The following LINGO2 variants were observed in gnomAD, a reference collection of about 807,000 sequenced individuals.
LINGO2 encodes leucine-rich repeat and immunoglobulin-like domain-containing nogo receptor-interacting protein 2.
Under a neutral mutation model 30.6 loss-of-function variants are expected in LINGO2, and 14 were observed. The ratio of observed to expected loss-of-function variants is 0.46; its 90% CI spans 0.30 to 0.72. The LOEUF is 0.72. Ranked by LOEUF, LINGO2 falls within the 30% of genes least tolerant of loss-of-function variation. The pLI is 0.07. For synonymous variants in LINGO2, 317 were observed against 288.5 expected (o/e 1.10, Z -1.00); for missense variants, 729 against 751.7 (o/e 0.97, Z 0.35).
intron 1 of LINGO2, among the ~76,000 whole-genome samples, chr9:28,619,932 T>A (rs1826315025): frequency 6.6e-6 from 1 of 151,700 alleles, no homozygotes; most frequent in Admixed American, 6.6e-5. Flanking sequence ...AAACACAGAA[T>A]GCTGCCCAGA....
chr9:28,899,371 G>A, the LINGO2 span, among the ~76,000 whole-genome samples: 1 of 152,192 alleles, frequency 6.6e-6, no homozygotes, highest in South Asian at 2.1e-4. Context: ...CCAGTTCCAG[G>A]CCAATCCCCA....
chr9:27,948,841 G>A, exon 6 of LINGO2: 2 of 1,599,494 alleles, frequency 1.3e-6, no homozygotes, highest in Non-Finnish European at 1.7e-6. Flanking sequence ...GTAATGTGAG[G>A]GGTGGGCCTT....
intron 4 of LINGO2, among the ~76,000 whole-genome samples, chr9:28,032,032 A>AATGAGGGG (rs149459770): frequency 0.036 from 5,079 of 141,904 alleles, 130 homozygotes; most frequent in Middle Eastern, 0.077. Context: ...GCTGACTCAA[A>AATGAGGGG]ATGAGGGGTG....
chr9:29,001,857 T>C, the LINGO2 span, among the ~76,000 whole-genome samples: 1 of 151,906 alleles, frequency 6.6e-6, no homozygotes, highest in Admixed American at 6.6e-5. Flanking sequence ...AAATAGCAAA[T>C]ACATTTTCCC....
intron 4 of LINGO2, among the ~76,000 whole-genome samples, chr9:28,066,000 A>C (rs960036587): frequency 1.3e-5 from 2 of 151,958 alleles, no homozygotes; most frequent in African/African-American, 4.8e-5. Flanking sequence ...CCAAAAATAA[A>C]AGCTAGCCAA....
chr9:28,298,729 A>C lies in LINGO2; in HGVS notation c.-245-3363T>G, dbSNP rs185515857. Among the ~76,000 whole-genome samples the C allele has an allele frequency of 2.0e-5, 3 of 152,104 alleles. No individual in the cohort carries two copies. In the East Asian group the frequency reaches 5.8e-4, roughly 30 times the overall value. ...AATGAATGTATTTTCTTGTATGTAA[A>C]TTACACCTCATTAATGTTGACTTAA... On this transcript the variant is annotated intron_variant, in intron 3 of 5. Transcript: ENST00000379992.
intron 5 of LINGO2, among the ~76,000 whole-genome samples, chr9:27,976,611 T>C (rs1310394596): frequency 1.3e-5 from 2 of 151,986 alleles, no homozygotes; most frequent in Non-Finnish European, 2.9e-5. Context: ...ATTTTCAGAG[T>C]CCTTAAGACA....
chr9:28,323,364 C>T (rs147678450), intron 3 of LINGO2, among the ~76,000 whole-genome samples: 1 of 152,268 alleles, frequency 6.6e-6, no homozygotes, highest in African/African-American at 2.4e-5. Flanking sequence ...CTTTGAGAGG[C>T]CAAGGTGAGT....
chr9:29,081,667 C>G, the LINGO2 span, among the ~76,000 whole-genome samples: 86 of 152,120 alleles, frequency 5.7e-4, no homozygotes, highest in African/African-American at 2.0e-3. Flanking sequence ...TTACATGATT[C>G]TATATTTAGA....
chr9:28,093,961 T>C (rs1255479007), intron 4 of LINGO2, among the ~76,000 whole-genome samples: 1 of 152,090 alleles, frequency 6.6e-6, no homozygotes, highest in Non-Finnish European at 1.5e-5. Context: ...TTATGTCTCA[T>C]TTATTACAAA....
chr9:28,092,493 C>G (rs895039073), intron 4 of LINGO2, among the ~76,000 whole-genome samples: 6 of 140,902 alleles, frequency 4.3e-5, no homozygotes, highest in Non-Finnish European at 9.0e-5. Flanking sequence ...GGGAACTGAA[C>G]AATGAGAACA....
chr9:28,017,822 C>A (rs953290412), intron 4 of LINGO2, among the ~76,000 whole-genome samples: 1 of 152,124 alleles, frequency 6.6e-6, no homozygotes, highest in African/African-American at 2.4e-5. Flanking sequence ...ATCAAACTAC[C>A]AATGACATTC....
chr9:29,081,347 T>C, the LINGO2 span, among the ~76,000 whole-genome samples: 2 of 152,070 alleles, frequency 1.3e-5, no homozygotes, highest in African/African-American at 4.8e-5. Flanking sequence ...ATTATCTCCA[T>C]AGATGCAGAA....
At position 28,150,277 on chromosome 9, in the gene LINGO2, A is replaced by C. The variant is rs536770034; in HGVS notation, c.-86-137872T>G. On this transcript the variant is annotated intron_variant, in intron 4 of 5. Coordinates refer to ENST00000379992, the Ensembl canonical transcript of LINGO2. ...GAGCATCTCTGCCCGGCTGCTGTGC[A>C]ACCTTCCAAGTGTGAAGTGACAGCC... is the stretch of plus-strand genomic sequence containing the variant. 7.9e-5 allele frequency among the ~76,000 whole-genome samples: 12 copies of C among 152,332 alleles called. No individual in the cohort carries two copies. In the South Asian group the frequency reaches 2.5e-3, roughly 32 times the overall value.
chr9:27,942,287 G>C, the LINGO2 span: 4 of 152,212 alleles, frequency 2.6e-5, no homozygotes, highest in African/African-American at 9.6e-5. Flanking sequence ...AATTAATACA[G>C]TGATACCTCA....
the LINGO2 span, among the ~76,000 whole-genome samples, chr9:29,116,836 C>A: frequency 6.6e-6 from 1 of 152,130 alleles, no homozygotes; most frequent in Non-Finnish European, 1.5e-5. Flanking sequence ...TTACTTTCAT[C>A]ATTAAAATCT....
chr9:28,759,546 G>A, the LINGO2 span, among the ~76,000 whole-genome samples: 1 of 151,884 alleles, frequency 6.6e-6, no homozygotes, highest in Admixed American at 6.6e-5. Context: ...GCCAGGCATG[G>A]TGACAGGCGC....
intron 3 of LINGO2, among the ~76,000 whole-genome samples, chr9:28,347,508 C>A (rs1439131227): frequency 6.6e-6 from 1 of 152,120 alleles, no homozygotes. Flanking sequence ...ATCCATTTAT[C>A]CATCCACCCA....
the LINGO2 span, among the ~76,000 whole-genome samples, chr9:29,003,202 T>G: frequency 2.6e-5 from 4 of 152,056 alleles, no homozygotes; most frequent in East Asian, 7.7e-4. Flanking sequence ...CCTCCAGAAC[T>G]GTGCAATAAC....
Sources: gnomAD v4.1 joint callset for allele counts (sites outside exome capture counted in the v4.1 genomes callset) on GRCh38, gnomAD v4.1.1 for gene constraint, MANE v1.5 for transcripts, NCBI Gene and HGNC (gene_info 2026-07-23, HGNC 2026-07-21) for gene names.